The following DCAF8L2 variants were observed in gnomAD, a reference collection of about 807,000 sequenced individuals.
DCAF8L2 encodes DDB1 and CUL4 associated factor 8 like 2.
For synonymous variants in DCAF8L2, 200 were observed against 190.9 expected, an observed-to-expected ratio of 1.05 and a Z score of -0.39; for missense variants, 430 against 490.7, an observed-to-expected ratio of 0.88 and a Z score of 1.17.
In DCAF8L2 at chrX:27,597,873, T is replaced by C. The variant is rs371502662; in HGVS notation, c.-342+7433T>C. Among the ~76,000 whole-genome samples the C allele has an allele frequency of 1.1e-4, 12 of 112,347 alleles. No individual in the cohort carries two copies. In the East Asian group the frequency reaches 2.5e-3, roughly 24 times the overall value. On this transcript the variant is annotated intron_variant, in intron 1 of 4. Coordinates refer to ENST00000451261, the MANE Select transcript of DCAF8L2 (RefSeq NM_001353450.2). ...CTCTAGCAATGGTGCATAAGGAGAA[T>C]TTGTGTGAAGGTCAGAAAGTAGTAT...
Position 27,600,374 on chromosome X carries a change from G to T in DCAF8L2, c.-342+9934G>T, listed in dbSNP as rs190126928. Among the ~76,000 whole-genome samples, 443 of 111,532 alleles carry T rather than the reference G, an allele frequency of 4.0e-3. 2 individuals carry two copies. The highest frequency in any genetic ancestry group is 0.014 in the African/African-American group (429 of 30,698). ...AAATGACTTTTACTCATTTGTCAAGGGTATAGTGACCAAAAGAAAGACGTC... is the reference window on the plus strand; with the variant it reads ...AAATGACTTTTACTCATTTGTCAAGTGTATAGTGACCAAAAGAAAGACGTC... On this transcript the variant is annotated intron_variant, in intron 1 of 4. Transcript: ENST00000451261.
At chrX:27,527,742 C>T in the DCAF8L2 span, among the ~76,000 whole-genome samples, 1,787 of 109,448 alleles carry the variant, frequency 0.016, 22 homozygotes, top group Non-Finnish European at 0.022. Flanking sequence ...ACCTCTGCCT[C>T]CTGGGTTCAA....
At chrX:27,534,815 C>T in the DCAF8L2 span, among the ~76,000 whole-genome samples, 1 of 112,044 alleles carries the variant, frequency 8.9e-6, no homozygotes, top group Non-Finnish European at 1.9e-5. Flanking sequence ...ATTTATATTT[C>T]AAGTCCAGAT....
the DCAF8L2 span, among the ~76,000 whole-genome samples, chrX:27,487,411 A>G: frequency 1.8e-5 from 2 of 111,266 alleles, no homozygotes; most frequent in African/African-American, 6.5e-5. Flanking sequence ...CCTCCCGAGA[A>G]GCCGGGATTA....
In DCAF8L2 at chrX:27,687,014, G is replaced by T. The variant is rs191229699; in HGVS notation, c.-143+9102G>T. On this transcript the variant is annotated intron_variant, in intron 3 of 4. Coordinates refer to ENST00000451261, the MANE Select transcript of DCAF8L2 (RefSeq NM_001353450.2). ...CGGAGCTCAGGCAGTAATGCTCCCT[G>T]GCCACTCACCTCCTGCTGTGTGGCC... Among the ~76,000 whole-genome samples the T allele has an allele frequency of 3.0e-3, 331 of 111,866 alleles. 2 individuals are homozygous for T. The highest frequency in any genetic ancestry group is 4.7e-3 in the Non-Finnish European group (252 of 53,113).
the DCAF8L2 span, among the ~76,000 whole-genome samples, chrX:27,507,071 C>G: frequency 9.0e-6 from 1 of 111,443 alleles, no homozygotes; most frequent in African/African-American, 3.3e-5. Context: ...AGAAACTCTA[C>G]TTTCTGTCCT....
the DCAF8L2 span, among the ~76,000 whole-genome samples, chrX:27,559,732 G>A: frequency 1.8e-5 from 2 of 111,498 alleles, no homozygotes; most frequent in Non-Finnish European, 1.9e-5. Flanking sequence ...CTACTTTGCT[G>A]TTTAATGCCT....
chrX:27,619,126 C>G (rs1927628061), intron 1 of DCAF8L2, among the ~76,000 whole-genome samples: 1 of 110,308 alleles, frequency 9.1e-6, no homozygotes, highest in Admixed American at 9.8e-5. Context: ...AAAACTAGCT[C>G]TATGAGATAT....
chrX:27,545,294 TAACC>T, the DCAF8L2 span, among the ~76,000 whole-genome samples: 1 of 111,243 alleles, frequency 9.0e-6, no homozygotes. Flanking sequence ...TGGCTTCAGT[TAACC>T]AAAACCATTC....
chrX:27,487,531 C>T, the DCAF8L2 span, among the ~76,000 whole-genome samples: 3 of 111,871 alleles, frequency 2.7e-5, no homozygotes, highest in Admixed American at 1.9e-4. Flanking sequence ...GGTCCGCCCA[C>T]CTTGGCCTCC....
intron 1 of DCAF8L2, among the ~76,000 whole-genome samples, chrX:27,630,853 G>A (rs758931787): frequency 5.3e-5 from 6 of 112,327 alleles, no homozygotes; most frequent in South Asian, 7.4e-4. Flanking sequence ...AGAGATGGCC[G>A]TCTTATTGCT....
intron 1 of DCAF8L2, among the ~76,000 whole-genome samples, chrX:27,623,186 G>C (rs904531056): frequency 1.8e-5 from 2 of 111,210 alleles, no homozygotes; most frequent in African/African-American, 6.5e-5. Flanking sequence ...GGGCTGGTTT[G>C]GTCACAGTAA....
chrX:27,704,547 C>T lies in DCAF8L2; in HGVS notation c.-142-11541C>T, dbSNP rs149873473. Reference sequence around the variant, plus strand: ...GGAAATGGGAAGAAGCATGTCTAAGCGTACACTCCTTTATGTAAGATAAAT... The same window carrying T: ...GGAAATGGGAAGAAGCATGTCTAAGTGTACACTCCTTTATGTAAGATAAAT... On this transcript the variant is annotated intron_variant, in intron 3 of 4. Coordinates refer to ENST00000451261, the MANE Select transcript of DCAF8L2 (RefSeq NM_001353450.2). Among the ~76,000 whole-genome samples the T allele has an allele frequency of 2.0e-4, 22 of 109,995 alleles. 1 individual carries two copies. In the East Asian group the frequency reaches 5.8e-3, roughly 29 times the overall value.
rs772278777 is a variant in DCAF8L2, at chrX:27,616,145, A to G, written c.-341-15734A>G. On this transcript the variant is annotated intron_variant, in intron 1 of 4. Coordinates refer to ENST00000451261, the MANE Select transcript of DCAF8L2 (RefSeq NM_001353450.2). ...TATATCATATTCTTCAAATAAAAAA[A>G]TAGATATGAAATTTCTAGATTATTT... Among the ~76,000 whole-genome samples, 5 of 111,290 alleles carry G rather than the reference A, an allele frequency of 4.5e-5. No individual in the cohort carries two copies. The South Asian group carries it at 1.9e-3, about 41-fold the overall frequency.
Position 27,704,241 on chromosome X carries a change from C to T in DCAF8L2, c.-142-11847C>T, listed in dbSNP as rs748953461. Among the ~76,000 whole-genome samples, 21 of 86,712 alleles carry T rather than the reference C, an allele frequency of 2.4e-4. 1 individual carries two copies. In the South Asian group the frequency reaches 6.0e-3, roughly 25 times the overall value. 75.3% of individuals were successfully genotyped at this position (86,712 alleles called of 115,157 possible). A position where few individuals can be genotyped will look rare whatever the true frequency, so the allele number is the denominator to read the frequency against. ...GCGCACATGTGCGTGTACACACGTGCGCACATACGTATGTACGTATATATA... is the reference window on the plus strand; with the variant it reads ...GCGCACATGTGCGTGTACACACGTGTGCACATACGTATGTACGTATATATA... On this transcript the variant is annotated intron_variant, in intron 3 of 4. Coordinates refer to ENST00000451261, the MANE Select transcript of DCAF8L2 (RefSeq NM_001353450.2).
intron 3 of DCAF8L2, among the ~76,000 whole-genome samples, chrX:27,697,571 G>C (rs905836666): frequency 7.2e-5 from 8 of 111,251 alleles, no homozygotes; most frequent in Non-Finnish European, 1.5e-4. Flanking sequence ...CAACAAAATA[G>C]ATAAATTTTA....
intron 4 of DCAF8L2, among the ~76,000 whole-genome samples, chrX:27,719,122 T>A (rs775626547): frequency 9.0e-6 from 1 of 111,614 alleles, no homozygotes; most frequent in Non-Finnish European, 1.9e-5. Context: ...AACAGTGATA[T>A]TTAATTGGCA....
chrX:27,602,766 A>T (rs1168698330), intron 1 of DCAF8L2, among the ~76,000 whole-genome samples: 2 of 112,002 alleles, frequency 1.8e-5, no homozygotes, highest in African/African-American at 6.5e-5. Flanking sequence ...GTGTTACACT[A>T]AGTGATCTAA....
the DCAF8L2 span, among the ~76,000 whole-genome samples, chrX:27,584,829 G>A: frequency 5.4e-5 from 6 of 111,610 alleles, no homozygotes; most frequent in Non-Finnish European, 1.1e-4. Flanking sequence ...TTCTTAATGA[G>A]GAATGATTTT....
Sources: gnomAD v4.1 joint callset for allele counts (sites outside exome capture counted in the v4.1 genomes callset) on GRCh38, gnomAD v4.1.1 for gene constraint, MANE v1.5 for transcripts, NCBI Gene and HGNC (gene_info 2026-07-23, HGNC 2026-07-21) for gene names.